ABTB2: variants seen among roughly 807,000 people sequenced by gnomAD.
The protein encoded by ABTB2 is ankyrin repeat and BTB/POZ domain-containing protein 2.
In ABTB2, 56 loss-of-function variants were observed where a neutral mutation model predicts 104.1. That is an observed-to-expected ratio of 0.54 (90% CI 0.43 to 0.67). ABTB2 has a LOEUF of 0.67. Among genes scored for constraint, ABTB2 ranks in the 30% least tolerant of loss-of-function variants. The pLI is 0.00. For missense variants in ABTB2, 1,279 were observed against 1,407.7 expected (o/e 0.91, Z 1.46); for synonymous variants, 606 against 608.2 (o/e 1.00, Z 0.05).
intron 1 of ABTB2, among the ~76,000 whole-genome samples, chr11:34,298,247 A>G (rs1854650555): frequency 2.6e-5 from 4 of 152,000 alleles, no homozygotes; most frequent in Admixed American, 2.6e-4. Context: ...AACTACTCCA[A>G]TACACACCAC....
chr11:34,171,132 T>C, intron 4 of ABTB2, 61 bp from the exon 5 acceptor site: 1 of 1,557,646 alleles, frequency 6.4e-7, no homozygotes, highest in Non-Finnish European at 8.8e-7. Flanking sequence ...TTCAATGATG[T>C]GACACACATG....
At chr11:34,332,716 T>C (rs116030885) in intron 1 of ABTB2, among the ~76,000 whole-genome samples, 4,573 of 151,894 alleles carry the variant, frequency 0.03, 248 homozygotes, top group African/African-American at 0.11. Context: ...ATTTTGCTAA[T>C]AGAGCAAACA....
intron 1 of ABTB2, among the ~76,000 whole-genome samples, chr11:34,341,430 C>T (rs984525376): frequency 2.3e-4 from 35 of 152,148 alleles, no homozygotes; most frequent in Admixed American, 1.7e-3. Flanking sequence ...CCTGTGAAAA[C>T]CCAGAAAGCT....
At chr11:34,335,885 C>T (rs1855187904) in intron 1 of ABTB2, 1 of 865,362 alleles carries the variant, frequency 1.2e-6, no homozygotes, top group Non-Finnish European at 1.9e-6. Context: ...ACATGAGACA[C>T]CTAAACCTGA....
chr11:34,232,186 T>C (rs1337577364), intron 1 of ABTB2, among the ~76,000 whole-genome samples: 2 of 152,162 alleles, frequency 1.3e-5, no homozygotes, highest in Non-Finnish European at 2.9e-5. Context: ...TGGTGGCTCA[T>C]GCCTGTAATC....
intron 1 of ABTB2, among the ~76,000 whole-genome samples, chr11:34,237,241 A>C (rs1853855816): frequency 1.3e-5 from 2 of 149,126 alleles, no homozygotes; most frequent in Non-Finnish European, 3.0e-5. Flanking sequence ...CATACTGATT[A>C]CCACGGCTGT....
chr11:34,334,086 A>G (rs1855164624), intron 1 of ABTB2, among the ~76,000 whole-genome samples: 1 of 152,054 alleles, frequency 6.6e-6, no homozygotes, highest in Non-Finnish European at 1.5e-5. Context: ...AGAAAGGTCT[A>G]AAATCACACC....
intron 1 of ABTB2, among the ~76,000 whole-genome samples, chr11:34,329,192 T>A (rs1316003186): frequency 6.6e-6 from 1 of 152,172 alleles, no homozygotes; most frequent in Non-Finnish European, 1.5e-5. Context: ...AACACTGAAG[T>A]CAGTGAATAT....
intron 1 of ABTB2, among the ~76,000 whole-genome samples, chr11:34,263,671 C>T (rs79787492): frequency 1.3e-5 from 2 of 152,304 alleles, no homozygotes; most frequent in East Asian, 3.9e-4. Context: ...CCATTACCAG[C>T]CCAGGGACTC....
chr11:34,227,235 C>T (rs1853699074), intron 1 of ABTB2, among the ~76,000 whole-genome samples: 1 of 148,886 alleles, frequency 6.7e-6, no homozygotes, highest in African/African-American at 2.5e-5. Context: ...GATTGCACCA[C>T]TGCACTCCAG....
chr11:34,173,262 G>A lies in ABTB2; in HGVS notation c.1290C>T (p.Ala430=), dbSNP rs756317267. The change falls in exon 4 of 17, where the codon GCC becomes GCT. Residue 430 remains alanine (A), a synonymous_variant. Transcript: ENST00000435224. ...TGCGGCGGTGCTCTGCGTAGGTGAT[G>A]GCCACGCGCATCCACTCCATGAGGG... ...LPPLMEWMRV[A]ITYAEHRRSL... is the part of the protein sequence containing the mutation. 1.2e-6 allele frequency: 2 copies of A among 1,610,208 alleles called. No homozygotes were observed. Among genetic ancestry groups the A allele is most frequent in the Non-Finnish European group, 8.5e-7 (1 of 1,178,662 alleles).
At chr11:34,276,454 C>T (rs1207524613) in intron 1 of ABTB2, among the ~76,000 whole-genome samples, 2 of 152,128 alleles carry the variant, frequency 1.3e-5, no homozygotes, top group African/African-American at 4.8e-5. Flanking sequence ...TTCCTAAAAT[C>T]CTACTTGGCT....
intron 1 of ABTB2, among the ~76,000 whole-genome samples, chr11:34,260,692 A>G (rs935777939): frequency 5.9e-5 from 9 of 152,208 alleles, no homozygotes; most frequent in African/African-American, 1.9e-4. Context: ...AAAGCATCCA[A>G]TCGGTACCCC....
chr11:34,354,313 G>A (rs375713872), intron 1 of ABTB2, among the ~76,000 whole-genome samples: 16 of 152,272 alleles, frequency 1.1e-4, no homozygotes, highest in African/African-American at 3.8e-4. Flanking sequence ...GGGGCAAGGA[G>A]GAGGTTAAAA....
At chr11:34,168,138 G>GTGCCCAGCAGCCCA in intron 5 of ABTB2, 146 bp from the exon 6 acceptor site, 1 of 787,294 alleles carries the variant, frequency 1.3e-6, no homozygotes, top group Non-Finnish European at 2.1e-6. Context: ...TGTGCTTCCT[G>GTGCCCAGCAGCCCA]GGCTGCTGGG....
rs1855260640 is a variant in ABTB2 at position 34,341,367 on chromosome 11, T to C, written c.883+15334A>G. 2.0e-5 allele frequency among the ~76,000 whole-genome samples: 3 copies of C among 152,188 alleles called. No homozygotes were observed. In the South Asian group the frequency reaches 6.2e-4, roughly 32 times the overall value. ...ATCTCCATTTCCATGAATCTTCTTGTTTCTGCAAACAGAGGGCTTCTGAGA... is the reference window on the plus strand; with the variant it reads ...ATCTCCATTTCCATGAATCTTCTTGCTTCTGCAAACAGAGGGCTTCTGAGA... On this transcript the variant is annotated intron_variant, in intron 1 of 16. Transcript: ENST00000435224.
At chr11:34,181,479 A>G (rs1345998438) in intron 3 of ABTB2, among the ~76,000 whole-genome samples, 1 of 152,138 alleles carries the variant, frequency 6.6e-6, no homozygotes, top group East Asian at 1.9e-4. Flanking sequence ...GGCCCCAAGC[A>G]CAAGCCTCGG....
At chr11:34,302,693 G>A (rs1854721322) in intron 1 of ABTB2, among the ~76,000 whole-genome samples, 1 of 152,218 alleles carries the variant, frequency 6.6e-6, no homozygotes, top group Non-Finnish European at 1.5e-5. Flanking sequence ...ATGTTCCTGT[G>A]ATCAGCTAAG....
intron 1 of ABTB2, among the ~76,000 whole-genome samples, chr11:34,295,676 A>C (rs965937151): frequency 6.6e-6 from 1 of 152,174 alleles, no homozygotes; most frequent in African/African-American, 2.4e-5. Flanking sequence ...GAGAGTTTAT[A>C]AACAACAGAA....
Sources: allele counts gnomAD v4.1 joint callset (sites outside exome capture counted in the v4.1 genomes callset), GRCh38; gene constraint gnomAD v4.1.1; transcripts MANE v1.5; gene names NCBI Gene and HGNC (gene_info 2026-07-23, HGNC 2026-07-21).